STATH: variants seen among roughly 807,000 people sequenced by gnomAD.
The protein encoded by STATH is statherin.
Under a neutral mutation model 13.3 loss-of-function variants are expected in STATH, and 11 were observed. The observed-to-expected ratio is 0.83, with a 90% CI of 0.52 to 1.37. The LOEUF is 1.37. Ranked by LOEUF, STATH falls within the 40% of genes most tolerant of loss-of-function variation. The probability of loss-of-function intolerance (pLI) is 0.00; values close to 1 mark genes in which losing one functional copy is unlikely to be tolerated. For missense variants in STATH, 78 were observed against 73.3 expected (o/e 1.06, Z -0.24); for synonymous variants, 25 against 23.6 (o/e 1.06, Z -0.17).
At chr4:69,997,466 T>C (rs542165507) in intron 1 of STATH, among the ~76,000 whole-genome samples, 28 of 152,296 alleles carry the variant, frequency 1.8e-4, no homozygotes, top group Non-Finnish European at 1.3e-4. Context: ...AATTACTCTA[T>C]AGTTTTCAAT....
chr4:70,000,381 T>C (rs62305489), intron 4 of STATH: 2,153 of 159,204 alleles, frequency 0.014, 21 homozygotes, highest in Non-Finnish European at 0.023. Flanking sequence ...AATAAAAAGA[T>C]ACTCTAAAAG....
chr4:69,997,377 TA>T (rs1253009697), intron 1 of STATH, among the ~76,000 whole-genome samples: 1 of 152,126 alleles, frequency 6.6e-6, no homozygotes, highest in South Asian at 2.1e-4. Flanking sequence ...TATAATTAGG[TA>T]AAAAATATTC....
At position 70,000,191 on chromosome 4, in the gene STATH, G is replaced by A. The variant is rs1047213217; in HGVS notation, c.102+382G>A. ...TTGCACCTTCTGATTTTTTTTGACG[G>A]TGATAAACTCATTAAATTAAACAGG... On this transcript the variant is annotated intron_variant, in intron 4 of 5. Transcript: ENST00000246895. 4 of 187,044 alleles carry A rather than the reference G, an allele frequency of 2.1e-5. 1 individual carries two copies. Among genetic ancestry groups the A allele is most frequent in the Admixed American group, 1.6e-4 (3 of 18,186 alleles). The allele number at this position is 187,044 out of a possible 1,614,324, so 11.6% of individuals were successfully genotyped here. A position where few individuals can be genotyped will look rare whatever the true frequency, so the allele number is the denominator to read the frequency against.
chr4:69,996,948 T>G (rs1724522104), intron 1 of STATH, among the ~76,000 whole-genome samples: 1 of 145,650 alleles, frequency 6.9e-6, no homozygotes, highest in African/African-American at 2.6e-5. Flanking sequence ...TTTTTTTTTT[T>G]TAATTTGAGA....
At position 70,002,285 on chromosome 4, in the gene STATH, A is replaced by T. The variant is rs1578162509; in HGVS notation, c.*130A>T. On this transcript the variant is annotated 3_prime_UTR_variant, in exon 6 of 6. Transcript: ENST00000246895. ...TTGAAGAATCATCAAAGAGCAATGC[A>T]AATGAAAAACACTATAATTTACTGT... 2.0e-5 allele frequency: 3 copies of T among 151,862 alleles called. No individual in the cohort carries two copies. In the South Asian group the frequency reaches 6.2e-4, roughly 31 times the overall value. The allele number at this position is 151,862 out of a possible 1,614,324, so 9.4% of individuals were successfully genotyped here. A position where few individuals can be genotyped will look rare whatever the true frequency, so the allele number is the denominator to read the frequency against.
chr4:69,999,641 T>C, intron 2 of STATH, 26 bp from the exon 3 acceptor site: 1 of 1,605,302 alleles, frequency 6.2e-7, no homozygotes, highest in Non-Finnish European at 8.5e-7. Context: ...AGATACTAAC[T>C]ATTGTCTAAT....
chr4:69,998,521 C>G, intron 2 of STATH, 33 bp downstream of exon 2: 1 of 1,575,120 alleles, frequency 6.3e-7, no homozygotes, highest in Non-Finnish European at 8.7e-7. Context: ...AGAATATGTT[C>G]TCAGTACCTA....
intron 5 of STATH, 129 bp downstream of exon 5, chr4:70,001,111 C>A (rs183495231): frequency 3.3e-6 from 2 of 610,918 alleles, no homozygotes; most frequent in Admixed American, 5.7e-5. Context: ...TGTATAGCTC[C>A]TTGAAATGTA....
At chr4:69,999,524 G>A in intron 2 of STATH, 143 bp from the exon 3 acceptor site, 1 of 724,160 alleles carries the variant, frequency 1.4e-6, no homozygotes, top group East Asian at 2.7e-5. Context: ...ATGTCATGAA[G>A]CAAAAATAAC....
intron 4 of STATH, chr4:70,000,037 G>A (rs1435192557): frequency 7.5e-6 from 4 of 536,710 alleles, no homozygotes; most frequent in Admixed American, 6.7e-5. Context: ...GTTACTCCCT[G>A]AGCCCTCAAG....
chr4:69,998,572 G>A (rs1724569159), intron 2 of STATH, 84 bp downstream of exon 2: 1 of 1,246,748 alleles, frequency 8.0e-7, no homozygotes, highest in Non-Finnish European at 1.1e-6. Context: ...GGCATATATT[G>A]GTGTTTACTT....
At chr4:70,001,112 T>G (rs1724654410) in intron 5 of STATH, 130 bp downstream of exon 5, 2 of 603,470 alleles carry the variant, frequency 3.3e-6, no homozygotes, top group Non-Finnish European at 5.9e-6. Flanking sequence ...GTATAGCTCC[T>G]TGAAATGTAT....
At chr4:70,000,272 A>T (rs958833543) in intron 4 of STATH, 6 of 163,980 alleles carry the variant, frequency 3.7e-5, no homozygotes, top group Admixed American at 5.8e-5. Flanking sequence ...TAATGTATGT[A>T]TCTTGATGTC....
At chr4:69,997,014 C>T (rs569092120) in intron 1 of STATH, among the ~76,000 whole-genome samples, 24 of 150,388 alleles carry the variant, frequency 1.6e-4, no homozygotes, top group African/African-American at 3.9e-4. Context: ...CTCGGCTCAC[C>T]GCAACCTCCA....
intron 1 of STATH, among the ~76,000 whole-genome samples, chr4:69,997,970 A>T (rs1724554183): frequency 6.6e-6 from 1 of 152,084 alleles, no homozygotes; most frequent in African/African-American, 2.4e-5. Flanking sequence ...ATCCAGTTCT[A>T]TCTTCCCTAC....
intron 1 of STATH, among the ~76,000 whole-genome samples, chr4:69,997,138 G>A (rs571309618): frequency 6.6e-6 from 1 of 151,760 alleles, no homozygotes; most frequent in African/African-American, 2.4e-5. Flanking sequence ...TAGAGACGGG[G>A]TTTCTCCATG....
chr4:69,998,293 G>C (rs904085511), intron 1 of STATH, 130 bp from the exon 2 acceptor site: 2 of 620,788 alleles, frequency 3.2e-6, no homozygotes, highest in African/African-American at 3.7e-5. Context: ...ATGATGTCAG[G>C]CAATGGGTTT....
intron 4 of STATH, 35 bp from the exon 5 acceptor site, chr4:70,000,828 T>A: frequency 6.5e-7 from 1 of 1,538,826 alleles, no homozygotes; most frequent in Non-Finnish European, 9.0e-7. Flanking sequence ...TTATCTCAAT[T>A]TTCTGCAATT....
chr4:70,002,301 A>G lies in STATH; in HGVS notation c.*146A>G, dbSNP rs1325591532. 1 of 151,644 alleles carries G rather than the reference A, an allele frequency of 6.6e-6. No homozygotes were observed. Among genetic ancestry groups the G allele is most frequent in the Admixed American group, 6.6e-5 (1 of 15,146 alleles). 9.4% of individuals were successfully genotyped at this position (151,644 alleles called of 1,614,324 possible). On this transcript the variant is annotated 3_prime_UTR_variant, in exon 6 of 6. Transcript: ENST00000246895. The stretch of plus-strand genomic sequence containing the variant: ...GAGCAATGCAAATGAAAAACACTAT[A>G]ATTTACTGTATACTCTTTGTTTCAG...
Sources: gnomAD v4.1 joint callset for allele counts (sites outside exome capture counted in the v4.1 genomes callset) on GRCh38, gnomAD v4.1.1 for gene constraint, MANE v1.5 for transcripts, NCBI Gene and HGNC (gene_info 2026-07-23, HGNC 2026-07-21) for gene names.